GCNT1: variants seen among roughly 807,000 people sequenced by gnomAD.
GCNT1 encodes glucosaminyl (N-acetyl) transferase 1.
Under a neutral mutation model 26.2 loss-of-function variants are expected in GCNT1, and 16 were observed. That is an observed-to-expected ratio of 0.61 (90% confidence interval 0.41 to 0.93). GCNT1 has a LOEUF of 0.93. GCNT1 is among the 40% of genes least tolerant of loss of function. The pLI, the probability that GCNT1 is intolerant of heterozygous loss-of-function variation, is 0.00. For synonymous variants in GCNT1, 183 were observed against 190.8 expected (o/e 0.96, Z 0.34); for missense variants, 477 against 526.7 (o/e 0.91, Z 0.92).
chr9:76,495,986 A>G (rs924551435), intron 2 of GCNT1, among the ~76,000 whole-genome samples: 4 of 152,158 alleles, frequency 2.6e-5, no homozygotes, highest in Admixed American at 2.6e-4. Context: ...CAGTTTAAGC[A>G]AGATATTTAA....
chr9:76,394,159 G>A, the GCNT1 span: 3 of 1,606,420 alleles, frequency 1.9e-6, no homozygotes, highest in Admixed American at 5.1e-5. Context: ...CAGAAGTAAG[G>A]CAGGTGCCTC....
intron 1 of GCNT1, among the ~76,000 whole-genome samples, chr9:76,435,772 ACAT>A (rs1300061720): frequency 2.6e-5 from 4 of 152,140 alleles, no homozygotes; most frequent in Non-Finnish European, 5.9e-5. Context: ...TGGGACTTCA[ACAT>A]ATGAATTTGG....
At chr9:76,486,565 C>T (rs1295581112) in intron 2 of GCNT1, among the ~76,000 whole-genome samples, 1 of 152,172 alleles carries the variant, frequency 6.6e-6, no homozygotes, top group Non-Finnish European at 1.5e-5. Flanking sequence ...GATTCAGCTT[C>T]CTGAGATCTC....
intron 2 of GCNT1, among the ~76,000 whole-genome samples, chr9:76,482,404 G>T (rs968451430): frequency 6.6e-6 from 1 of 151,584 alleles, no homozygotes; most frequent in Non-Finnish European, 1.5e-5. Flanking sequence ...GGCGGATCAC[G>T]AGGTCAGGAG....
At chr9:76,399,048 G>A in the GCNT1 span, 32 of 1,596,110 alleles carry the variant, frequency 2.0e-5, no homozygotes, top group African/African-American at 2.1e-4. Flanking sequence ...GCAGCCTTCC[G>A]GGAGCCATGG....
chr9:76,488,684 C>T (rs1316541314), intron 2 of GCNT1, among the ~76,000 whole-genome samples: 1 of 152,168 alleles, frequency 6.6e-6, no homozygotes, highest in Non-Finnish European at 1.5e-5. Flanking sequence ...AGGGTTTCAT[C>T]ATGTTGGCCA....
upstream of GCNT1, among the ~76,000 whole-genome samples, chr9:76,415,676 A>G (rs147868010): frequency 5.4e-3 from 822 of 152,318 alleles, 16 homozygotes; most frequent in Admixed American, 0.031. Context: ...CAAAGCATCA[A>G]TAAAATAATT....
upstream of GCNT1, among the ~76,000 whole-genome samples, chr9:76,417,592 G>A (rs187684379): frequency 6.6e-6 from 1 of 152,302 alleles, no homozygotes; most frequent in African/African-American, 2.4e-5. Flanking sequence ...GATGTTAATA[G>A]CTAGCTGAAT....
chr9:76,473,525 G>C (rs1280350094), intron 2 of GCNT1, among the ~76,000 whole-genome samples: 1 of 152,066 alleles, frequency 6.6e-6, no homozygotes, highest in African/African-American at 2.4e-5. Flanking sequence ...AATATTAAGG[G>C]CTCATTATTT....
intron 2 of GCNT1, among the ~76,000 whole-genome samples, chr9:76,472,237 C>T (rs563223198): frequency 1.1e-4 from 17 of 152,258 alleles, no homozygotes; most frequent in Admixed American, 2.6e-4. Flanking sequence ...GAGTCAAGAT[C>T]GCACCTCTGT....
intron 2 of GCNT1, among the ~76,000 whole-genome samples, chr9:76,497,379 C>T (rs1157077759): frequency 6.6e-6 from 1 of 152,130 alleles, no homozygotes; most frequent in Non-Finnish European, 1.5e-5. Flanking sequence ...CTTAAGAAAA[C>T]GTTGTATGTC....
chr9:76,394,190 A>C, the GCNT1 span: 1,577,925 of 1,580,962 alleles, frequency 1, 787,452 homozygotes, highest in East Asian at 1. Context: ...CCGCTCGGGG[A>C]ATGGGCTGCG....
At chr9:76,453,093 T>C (rs1461165810) in intron 1 of GCNT1, among the ~76,000 whole-genome samples, 1 of 152,200 alleles carries the variant, frequency 6.6e-6, no homozygotes, top group African/African-American at 2.4e-5. Flanking sequence ...GCTGTGAGTA[T>C]GTAACTGAAA....
chr9:76,433,399 C>G (rs1364727831), intron 1 of GCNT1, among the ~76,000 whole-genome samples: 2 of 152,248 alleles, frequency 1.3e-5, no homozygotes, highest in Non-Finnish European at 2.9e-5. Flanking sequence ...GTAACACCCC[C>G]TCTGGGGCTT....
chr9:76,462,368 C>G (rs775213476), intron 2 of GCNT1, among the ~76,000 whole-genome samples: 1 of 152,184 alleles, frequency 6.6e-6, no homozygotes, highest in African/African-American at 2.4e-5. Context: ...TGTCACGTTT[C>G]CTATCTGAGG....
intron 1 of GCNT1, among the ~76,000 whole-genome samples, chr9:76,428,070 T>C (rs548027112): frequency 1.3e-5 from 2 of 151,616 alleles, no homozygotes; most frequent in Non-Finnish European, 2.9e-5. Context: ...ATCGAGACCA[T>C]CCTGGCTAAT....
intron 2 of GCNT1, among the ~76,000 whole-genome samples, chr9:76,498,773 CAA>C (rs1169273731): frequency 1.5e-4 from 6 of 39,380 alleles, no homozygotes; most frequent in Admixed American, 3.1e-4. Context: ...AATTCCAGCT[CAA>C]AAAAAAAAAA....
At chr9:76,407,046 A>T in the GCNT1 span, among the ~76,000 whole-genome samples, 1 of 152,126 alleles carries the variant, frequency 6.6e-6, no homozygotes, top group East Asian at 1.9e-4. Flanking sequence ...ATCTCAAAAA[A>T]TAAAATAAAA....
chr9:76,422,068 G>A (rs1823203640), intron 1 of GCNT1, among the ~76,000 whole-genome samples: 1 of 152,130 alleles, frequency 6.6e-6, no homozygotes, highest in Non-Finnish European at 1.5e-5. Flanking sequence ...ATGAGTGCAA[G>A]AAGGGGAAAC....
Sources: allele counts gnomAD v4.1 joint callset (sites outside exome capture counted in the v4.1 genomes callset), GRCh38; gene constraint gnomAD v4.1.1; transcripts MANE v1.5; gene names NCBI Gene and HGNC (gene_info 2026-07-23, HGNC 2026-07-21).